Variants in TUT4 observed in about 807,000 individuals in gnomAD.
TUT4 encodes the protein terminal uridylyl transferase 4, also known as terminal uridylyltransferase 4.
A neutral mutation model predicts 192.2 loss-of-function variants in TUT4; 36 were observed. That is an observed-to-expected ratio of 0.19 (90% confidence interval 0.14 to 0.25). TUT4 has a LOEUF of 0.25. Ranked by LOEUF, TUT4 falls within the 10% of genes least tolerant of loss-of-function variation. The pLI is 1.00. For synonymous variants in TUT4, 618 were observed against 666.0 expected (o/e 0.93, Z 1.11); for missense variants, 1,493 against 1,957.2 (o/e 0.76, Z 4.47).
At chr1:52,505,180 C>T (rs1442806870) in intron 4 of TUT4, among the ~76,000 whole-genome samples, 2 of 152,146 alleles carry the variant, frequency 1.3e-5, no homozygotes, top group African/African-American at 4.8e-5. Flanking sequence ...AGCTACACTA[C>T]TTTCATACCT....
chr1:52,423,695 G>A lies in TUT4; in HGVS notation c.*240C>T. The A allele has an allele frequency of 1.1e-6, 1 of 878,918 alleles. No homozygotes were observed. 54.4% of individuals were successfully genotyped at this position (878,918 alleles called of 1,614,324 possible). ...TGTATCACTCAATTTGGTGATACTAGTAAAAACTATAGTTCATATTTATAT... is the reference window on the plus strand; with the variant it reads ...TGTATCACTCAATTTGGTGATACTAATAAAAACTATAGTTCATATTTATAT... On this transcript the variant is annotated 3_prime_UTR_variant, in exon 30 of 30. Transcript: ENST00000257177.
chr1:52,445,029 G>GTATATATATATATGTGTA (rs61668654), intron 24 of TUT4, among the ~76,000 whole-genome samples: 1 of 147,146 alleles, frequency 6.8e-6, no homozygotes, highest in African/African-American at 2.6e-5. Context: ...GTATATATGT[G>GTATATATATATATGTGTA]TATATATATA....
chr1:52,476,609 T>C (rs981350725), intron 12 of TUT4, among the ~76,000 whole-genome samples: 19 of 152,034 alleles, frequency 1.2e-4, no homozygotes, highest in African/African-American at 4.6e-4. Context: ...TTTAAAAAGA[T>C]TTTTCTACTT....
At chr1:52,430,872 C>A in intron 28 of TUT4, 141 bp downstream of exon 28, 1 of 904,706 alleles carries the variant, frequency 1.1e-6, no homozygotes, top group Non-Finnish European at 1.6e-6. Flanking sequence ...GAGTCCAGAG[C>A]CCATATTCTT....
intron 4 of TUT4, among the ~76,000 whole-genome samples, chr1:52,499,591 C>T (rs986413012): frequency 6.6e-6 from 1 of 151,512 alleles, no homozygotes; most frequent in South Asian, 2.1e-4. Context: ...TAAAAATTAG[C>T]CTGGCATGGT....
chr1:52,552,627 C>T (rs897362649), intron 1 of TUT4, among the ~76,000 whole-genome samples: 1 of 152,230 alleles, frequency 6.6e-6, no homozygotes, highest in South Asian at 2.1e-4. Context: ...CAACAGGTTT[C>T]GGTCCGGGAC....
chr1:52,502,056 T>C (rs1331646587), intron 4 of TUT4, among the ~76,000 whole-genome samples: 1 of 151,728 alleles, frequency 6.6e-6, no homozygotes, highest in Non-Finnish European at 1.5e-5. Flanking sequence ...ACAATGTAAA[T>C]GTACTTAATG....
At chr1:52,450,995 G>A (rs898015027) in intron 20 of TUT4, among the ~76,000 whole-genome samples, 1 of 152,218 alleles carries the variant, frequency 6.6e-6, no homozygotes, top group Admixed American at 6.5e-5. Context: ...GCTGGGCGCG[G>A]TGGCACACGC....
At chr1:52,538,191 G>A (rs1237103088) in intron 1 of TUT4, among the ~76,000 whole-genome samples, 1 of 152,102 alleles carries the variant, frequency 6.6e-6, no homozygotes, top group East Asian at 1.9e-4. Flanking sequence ...AGCCAAGACT[G>A]CATCGCTGCA....
At chr1:52,450,096 T>A (rs1437748779) in intron 20 of TUT4, among the ~76,000 whole-genome samples, 1 of 152,210 alleles carries the variant, frequency 6.6e-6, no homozygotes, top group Non-Finnish European at 1.5e-5. Flanking sequence ...CTAGGACAGC[T>A]CTTTTTGACG....
intron 1 of TUT4, among the ~76,000 whole-genome samples, chr1:52,536,385 C>A (rs1467696155): frequency 6.6e-6 from 1 of 151,964 alleles, no homozygotes; most frequent in Non-Finnish European, 1.5e-5. Flanking sequence ...CACACACACA[C>A]AAAATCAAAA....
At chr1:52,512,180 G>A (rs1677365198) in intron 3 of TUT4, among the ~76,000 whole-genome samples, 1 of 152,132 alleles carries the variant, frequency 6.6e-6, no homozygotes, top group South Asian at 2.1e-4. Flanking sequence ...CATCTCAACT[G>A]ACCTTGGATA....
chr1:52,456,166 G>A (rs1408496214), intron 20 of TUT4, among the ~76,000 whole-genome samples: 1 of 152,146 alleles, frequency 6.6e-6, no homozygotes, highest in Non-Finnish European at 1.5e-5. Context: ...CACTTTGGGA[G>A]GCCGGGGCGG....
chr1:52,490,444 AG>A (rs2149078145), intron 8 of TUT4, among the ~76,000 whole-genome samples: 1 of 152,192 alleles, frequency 6.6e-6, no homozygotes, highest in East Asian at 1.9e-4. Flanking sequence ...AGAGCAAAGT[AG>A]TACCTGCATA....
intron 20 of TUT4, among the ~76,000 whole-genome samples, chr1:52,453,034 ACACATTTGGT>A (rs1659884398): frequency 6.6e-6 from 1 of 152,204 alleles, no homozygotes. Context: ...AACCCCCCCA[ACACATTTGGT>A]CACAGAAGTC....
intron 20 of TUT4, among the ~76,000 whole-genome samples, chr1:52,456,411 CAAAAAAAAAA>C (rs1157223640): frequency 0.079 from 948 of 12,000 alleles, 15 homozygotes; most frequent in African/African-American, 0.19. Flanking sequence ...GACTGTGTCT[CAAAAAAAAAA>C]AAAAAAAAAA....
rs7522606 is a variant in TUT4 at position 52,477,700 on chromosome 1, C to A, written c.2023+8G>T. 5.2e-4 allele frequency: 836 copies of A among 1,603,452 alleles called. 6 individuals are homozygous for A. In the African/African-American group the frequency reaches 0.01, roughly 20 times the overall value. On this transcript the variant is annotated splice_region_variant and intron_variant, in intron 12 of 29. Transcript: ENST00000257177. The stretch of plus-strand genomic sequence containing the variant: ...ATTCTCCAAATGAAATACAACATAT[C>A]ATCTCACCTTCAATGGCTATTCGCC...
chr1:52,548,205 A>G (rs1386539868), intron 1 of TUT4, among the ~76,000 whole-genome samples: 2 of 152,136 alleles, frequency 1.3e-5, no homozygotes, highest in African/African-American at 4.8e-5. Context: ...CCACTGGCCT[A>G]AACTAATACT....
intron 24 of TUT4, among the ~76,000 whole-genome samples, chr1:52,440,841 T>C (rs919027204): frequency 2.0e-5 from 3 of 152,200 alleles, no homozygotes; most frequent in African/African-American, 4.8e-5. Flanking sequence ...AAAAATTTTA[T>C]TGAAGAAATG....
Sources: gnomAD v4.1 joint callset for allele counts (sites outside exome capture counted in the v4.1 genomes callset) on GRCh38, gnomAD v4.1.1 for gene constraint, MANE v1.5 for transcripts, NCBI Gene and HGNC (gene_info 2026-07-23, HGNC 2026-07-21) for gene names.